Variants in KCNH5 observed in about 807,000 individuals in gnomAD.
KCNH5 encodes the protein potassium voltage-gated channel subfamily H member 5.
In KCNH5, 46 loss-of-function variants were observed where a neutral mutation model predicts 96.1. The observed-to-expected ratio is 0.48, with a 90% CI of 0.38 to 0.61. The LOEUF is 0.61. Among genes scored for constraint, KCNH5 ranks in the 20% least tolerant of loss-of-function variants. KCNH5 has a pLI of 0.00. For missense variants in KCNH5, 907 were observed against 1,225.8 expected, an observed-to-expected ratio of 0.74 and a Z score of 3.88; for synonymous variants, 439 against 449.8, an observed-to-expected ratio of 0.98 and a Z score of 0.30.
At chr14:62,829,662 T>A (rs1184978089) in intron 8 of KCNH5, among the ~76,000 whole-genome samples, 1 of 152,214 alleles carries the variant, frequency 6.6e-6, no homozygotes, top group Non-Finnish European at 1.5e-5. Flanking sequence ...CCTGGACCAC[T>A]AAACCAGTTT....
chr14:62,979,233 A>C (rs1011291549), intron 6 of KCNH5, among the ~76,000 whole-genome samples: 11 of 152,104 alleles, frequency 7.2e-5, no homozygotes, highest in Admixed American at 6.6e-5. Context: ...ATTGTCCCCT[A>C]TCATGTGATT....
At chr14:62,924,361 A>C (rs1889433531) in intron 7 of KCNH5, among the ~76,000 whole-genome samples, 1 of 151,956 alleles carries the variant, frequency 6.6e-6, no homozygotes, top group Non-Finnish European at 1.5e-5. Context: ...CCACTTATAC[A>C]CTGTTGGTGG....
rs186986501 is a variant in KCNH5, at chr14:62,969,974, G to A, written c.942+10898C>T. On this transcript the variant is annotated intron_variant, in intron 6 of 10. Coordinates refer to ENST00000322893, the MANE Select transcript of KCNH5 (RefSeq NM_139318.5). ...AATCACTTGAGGCTGGGAGGCAGAGGTTGCAGTGAGCTGAGACTGCGCCAC... is the reference window on the plus strand; with the variant it reads ...AATCACTTGAGGCTGGGAGGCAGAGATTGCAGTGAGCTGAGACTGCGCCAC... Among the ~76,000 whole-genome samples the A allele has an allele frequency of 2.6e-3, 381 of 145,016 alleles. 4 individuals carry two copies. Among genetic ancestry groups the A allele is most frequent in the Admixed American group, 5.1e-3 (73 of 14,368 alleles).
chr14:62,883,641 A>T (rs968459730), intron 7 of KCNH5, among the ~76,000 whole-genome samples: 2 of 152,180 alleles, frequency 1.3e-5, no homozygotes, highest in African/African-American at 4.8e-5. Context: ...ACAAGAATCT[A>T]TCAATAGTAC....
At chr14:62,999,703 G>C (rs954562968) in intron 4 of KCNH5, among the ~76,000 whole-genome samples, 4 of 123,622 alleles carry the variant, frequency 3.2e-5, no homozygotes, top group African/African-American at 1.2e-4. Context: ...TCACACTCTG[G>C]GGACTGTTGT....
intron 10 of KCNH5, among the ~76,000 whole-genome samples, chr14:62,714,402 T>G (rs939634806): frequency 3.3e-5 from 5 of 152,224 alleles, no homozygotes; most frequent in African/African-American, 1.2e-4. Context: ...GTTAAACTCT[T>G]TAAAATGGTG....
intron 8 of KCNH5, among the ~76,000 whole-genome samples, chr14:62,824,088 A>G (rs1404163330): frequency 6.6e-6 from 1 of 152,092 alleles, no homozygotes; most frequent in Non-Finnish European, 1.5e-5. Context: ...GAGAGAAAAA[A>G]AAATTCACCA....
chr14:62,765,985 C>G lies in KCNH5; in HGVS notation c.2019+13743G>C, dbSNP rs140506898. ...AACCAGAATATATAAGGAGCTCAAA[C>G]AACTCTATAGGAAATATCTAATAAT... On this transcript the variant is annotated intron_variant, in intron 10 of 10. Transcript: ENST00000322893. 2.9e-3 allele frequency among the ~76,000 whole-genome samples: 441 copies of G among 152,202 alleles called. 21 individuals are homozygous for G. The East Asian group carries it at 0.073, about 25-fold the overall frequency.
At chr14:62,879,791 ATT>A (rs1689279340) in intron 7 of KCNH5, among the ~76,000 whole-genome samples, 1 of 152,070 alleles carries the variant, frequency 6.6e-6, no homozygotes, top group Non-Finnish European at 1.5e-5. Flanking sequence ...TTTCCATAGA[ATT>A]TGTTTCTTCT....
intron 10 of KCNH5, among the ~76,000 whole-genome samples, chr14:62,757,957 C>A (rs1385281738): frequency 6.6e-6 from 1 of 152,012 alleles, no homozygotes; most frequent in Non-Finnish European, 1.5e-5. Context: ...ACCAGCCTGG[C>A]CAACATGGCA....
At chr14:62,952,353 G>A (rs540886739) in intron 6 of KCNH5, among the ~76,000 whole-genome samples, 3 of 152,110 alleles carry the variant, frequency 2.0e-5, no homozygotes, top group Non-Finnish European at 4.4e-5. Flanking sequence ...GATGTTGGAA[G>A]GCTTGAAAGC....
rs544759051 is a variant in KCNH5 at position 62,811,758 on chromosome 14, A to T, written c.1570-9177T>A. ...CCTTTATGCTCAACATATAAATTAG[A>T]AATAAGCAGAATTATGCTGACAGAA... On this transcript the variant is annotated intron_variant, in intron 8 of 10. Transcript: ENST00000322893. 2.0e-5 allele frequency among the ~76,000 whole-genome samples: 3 copies of T among 152,268 alleles called. No individual in the cohort carries two copies. The South Asian group carries it at 6.2e-4, about 32-fold the overall frequency.
At chr14:62,843,134 T>C (rs889919233) in intron 8 of KCNH5, among the ~76,000 whole-genome samples, 3 of 152,172 alleles carry the variant, frequency 2.0e-5, no homozygotes, top group Non-Finnish European at 2.9e-5. Flanking sequence ...TAAATATTCA[T>C]ATTTATTTTA....
At chr14:63,003,472 TTATATATATTTTATATATATTA>T (rs1423660726) in intron 3 of KCNH5, among the ~76,000 whole-genome samples, 31 of 132,064 alleles carry the variant, frequency 2.3e-4, no homozygotes, top group African/African-American at 6.1e-4. Flanking sequence ...TTTATATATA[TTATATATATTTTATATATATTA>T]TATATATATT....
At chr14:62,781,566 A>T (rs1416027154) in intron 9 of KCNH5, among the ~76,000 whole-genome samples, 1 of 152,064 alleles carries the variant, frequency 6.6e-6, no homozygotes, top group South Asian at 2.1e-4. Flanking sequence ...CAGTTTAGAG[A>T]CCTACCGCCA....
intron 7 of KCNH5, among the ~76,000 whole-genome samples, chr14:62,887,972 G>C (rs959029055): frequency 6.6e-6 from 1 of 152,070 alleles, no homozygotes; most frequent in African/African-American, 2.4e-5. Flanking sequence ...ATTAGTTTTA[G>C]TTTCAGCTGT....
rs763275808 is a variant in KCNH5 at position 62,708,078 on chromosome 14, G to A, written c.2397C>T (p.Ser799=). Residue 799 remains serine (S), a synonymous_variant, in exon 11 of 11, where the codon AGC becomes AGT. Transcript: ENST00000322893. ...CATTTCCATTCTTCATTCTTATTGG[G>A]CTGTTGACTTTGAGACATTTTTGGT... ...GADQKCLKVN[S]PIRMKNGNGK... The A allele has an allele frequency of 1.8e-5, 29 of 1,614,124 alleles. 1 individual carries two copies. The South Asian group carries it at 3.1e-4, about 17-fold the overall frequency.
chr14:63,044,397 AT>A (rs982069760), intron 1 of KCNH5, among the ~76,000 whole-genome samples: 1 of 152,210 alleles, frequency 6.6e-6, no homozygotes, highest in African/African-American at 2.4e-5. Flanking sequence ...GTAGGATGGC[AT>A]CTTTTTGATT....
At chr14:62,783,205 C>T (rs149153940) in intron 9 of KCNH5, among the ~76,000 whole-genome samples, 1,701 of 152,244 alleles carry the variant, frequency 0.011, 13 homozygotes, top group Non-Finnish European at 0.016. Flanking sequence ...CAAACATACA[C>T]ACATACATGC....
Sources: gnomAD v4.1 joint callset for allele counts (sites outside exome capture counted in the v4.1 genomes callset) on GRCh38, gnomAD v4.1.1 for gene constraint, MANE v1.5 for transcripts, NCBI Gene and HGNC (gene_info 2026-07-23, HGNC 2026-07-21) for gene names.